Variants in RNF216 observed in about 807,000 individuals in gnomAD.
The protein encoded by RNF216 is ring finger protein 216, also known as E3 ubiquitin-protein ligase RNF216.
A neutral mutation model predicts 110.8 loss-of-function variants in RNF216; 72 were observed. The ratio of observed to expected loss-of-function variants is 0.65; its 90% CI spans 0.54 to 0.79. The LOEUF is 0.79. RNF216 is among the 30% of genes least tolerant of loss of function. The probability of loss-of-function intolerance (pLI) is 0.00; values close to 1 mark genes in which losing one functional copy is unlikely to be tolerated. For synonymous variants in RNF216, 495 were observed against 407.5 expected, an observed-to-expected ratio of 1.21 and a Z score of -2.59; for missense variants, 1,342 against 1,141.2, an observed-to-expected ratio of 1.18 and a Z score of -2.54.
chr7:5,622,707 T>C lies in RNF216; in HGVS notation c.*153A>G, dbSNP rs974789798. On this transcript the variant is annotated 3_prime_UTR_variant, in exon 17 of 17. Transcript: ENST00000389902. ...GATCCGTCCACTCTTCCAGGAGCAGTAGCCCTTCTAGGAAAGGGGTGGGAA... is the reference window on the plus strand; with the variant it reads ...GATCCGTCCACTCTTCCAGGAGCAGCAGCCCTTCTAGGAAAGGGGTGGGAA... 5.5e-6 allele frequency: 4 copies of C among 726,056 alleles called. No homozygotes were observed. Among genetic ancestry groups the C allele is most frequent in the African/African-American group, 3.5e-5 (2 of 56,950 alleles). The allele number at this position is 726,056 out of a possible 1,614,324, so 45.0% of individuals were successfully genotyped here.
chr7:5,688,473 T>C (rs1791122435), intron 13 of RNF216, among the ~76,000 whole-genome samples: 1 of 152,224 alleles, frequency 6.6e-6, no homozygotes. Context: ...ACATACTGAA[T>C]GTGCTAAGAA....
chr7:5,694,929 C>T (rs923202939), intron 13 of RNF216, among the ~76,000 whole-genome samples: 1 of 152,194 alleles, frequency 6.6e-6, no homozygotes. Context: ...AGACAATATA[C>T]TTTCCAAAGA....
In RNF216 at chr7:5,711,685, G is replaced by A. The variant is rs954949093; in HGVS notation, c.2061+76C>T. 3.5e-6 allele frequency: 4 copies of A among 1,132,498 alleles called. No individual in the cohort carries two copies. In the African/African-American group the frequency reaches 6.2e-5, roughly 18 times the overall value. The allele number at this position is 1,132,498 out of a possible 1,614,324, so 70.2% of individuals were successfully genotyped here. On this transcript the variant is annotated intron_variant, in intron 13 of 16. Coordinates refer to ENST00000389902, the MANE Select transcript of RNF216 (RefSeq NM_207111.4). ...TTATACATCAGCAGTCAGGTAAACA[G>A]CAGATATTTGGGCCATGAGGGCAGC...
chr7:5,781,345 C>G (rs2128690027), intron 1 of RNF216, among the ~76,000 whole-genome samples, 196 bp downstream of exon 1: 1 of 152,150 alleles, frequency 6.6e-6, no homozygotes, highest in Non-Finnish European at 1.5e-5. Context: ...CGCCACCGCA[C>G]CGGGCTCGAG....
chr7:5,658,934 G>A (rs941344902), intron 13 of RNF216, among the ~76,000 whole-genome samples: 3 of 152,072 alleles, frequency 2.0e-5, no homozygotes, highest in Non-Finnish European at 4.4e-5. Context: ...GCAATGTGTC[G>A]GAGTTATGTT....
At chr7:5,627,381 C>T (rs1039112093) in intron 15 of RNF216, among the ~76,000 whole-genome samples, 2 of 152,180 alleles carry the variant, frequency 1.3e-5, no homozygotes, top group Admixed American at 6.5e-5. Flanking sequence ...GAGGGCCTCA[C>T]GTCTCTGCTA....
intron 16 of RNF216, among the ~76,000 whole-genome samples, chr7:5,623,776 T>C (rs1309168010): frequency 6.6e-6 from 1 of 152,164 alleles, no homozygotes; most frequent in East Asian, 1.9e-4. Context: ...GGTCTACTTT[T>C]CTTTAGCCAG....
At chr7:5,673,407 GA>G (rs1267554601) in intron 13 of RNF216, among the ~76,000 whole-genome samples, 1 of 152,208 alleles carries the variant, frequency 6.6e-6, no homozygotes, top group Non-Finnish European at 1.5e-5. Flanking sequence ...GCAGGTGGGG[GA>G]CTGGCCTGGT....
intron 1 of RNF216, among the ~76,000 whole-genome samples, chr7:5,765,908 G>A (rs1161991902): frequency 6.9e-6 from 1 of 143,910 alleles, no homozygotes; most frequent in East Asian, 2.0e-4. Context: ...AGCCCAGATT[G>A]CACCACTGCA....
chr7:5,709,675 G>A (rs1254512791), intron 13 of RNF216, among the ~76,000 whole-genome samples: 1 of 152,144 alleles, frequency 6.6e-6, no homozygotes, highest in South Asian at 2.1e-4. Context: ...AAGAGCCCCT[G>A]GGAAGCTCCC....
chr7:5,641,355 G>T lies in RNF216; in HGVS notation c.2181C>A (p.Ala727=). The change falls in exon 15 of 17, where the codon GCC becomes GCA. Residue 727 remains alanine, a synonymous_variant. Coordinates refer to ENST00000389902, the MANE Select transcript of RNF216 (RefSeq NM_207111.4). ...RTSIEEKMTA[A]RIRKCHKCGT... ...CACACTTGTGGCATTTTCTAATGCG[G>T]GCAGCAGTCATTTTTTCTTCACTGA... 4 of 1,613,574 alleles carry T rather than the reference G, an allele frequency of 2.5e-6. No individual in the cohort carries two copies. The highest frequency in any genetic ancestry group is 3.4e-6 in the Non-Finnish European group (4 of 1,179,676).
intron 15 of RNF216, among the ~76,000 whole-genome samples, chr7:5,625,183 C>T (rs912925345): frequency 2.0e-5 from 3 of 152,334 alleles, no homozygotes; most frequent in East Asian, 1.9e-4. Flanking sequence ...CGCCAACTGC[C>T]GGCTCAGCAA....
intron 13 of RNF216, among the ~76,000 whole-genome samples, chr7:5,707,741 T>G (rs1014920140): frequency 1.1e-4 from 12 of 107,146 alleles, no homozygotes; most frequent in African/African-American, 4.4e-4. Flanking sequence ...TTTTTTTTTT[T>G]GTGACAGAGT....
intron 1 of RNF216, among the ~76,000 whole-genome samples, chr7:5,778,903 C>A (rs1480152984): frequency 1.3e-5 from 2 of 152,212 alleles, no homozygotes; most frequent in Non-Finnish European, 2.9e-5. Context: ...GCCATCACAC[C>A]TGGCTAATTT....
Position 5,729,614 on chromosome 7 carries a change from C to G in RNF216, c.1225-18G>C. 6.2e-7 allele frequency: 1 copy of G among 1,608,732 alleles called. No homozygotes were observed. Among genetic ancestry groups the G allele is most frequent in the South Asian group, 1.1e-5 (1 of 90,912 alleles). On this transcript the variant is annotated intron_variant, in intron 6 of 16. Coordinates refer to ENST00000389902, the MANE Select transcript of RNF216 (RefSeq NM_207111.4). ...TTAGGCAACTGAAATGAGAGAGAAGCATAAAATCAGAGGCCAGGCAGTACA... is the reference window on the plus strand; with the variant it reads ...TTAGGCAACTGAAATGAGAGAGAAGGATAAAATCAGAGGCCAGGCAGTACA...
At chr7:5,715,030 G>A (rs1258889991) in intron 11 of RNF216, 23 bp downstream of exon 11, 1 of 1,595,706 alleles carries the variant, frequency 6.3e-7, no homozygotes. Context: ...CTATATACAT[G>A]GGACATATTA....
chr7:5,707,013 G>A (rs1792334422), intron 13 of RNF216, among the ~76,000 whole-genome samples: 1 of 152,232 alleles, frequency 6.6e-6, no homozygotes, highest in Non-Finnish European at 1.5e-5. Flanking sequence ...AGTTTACAGA[G>A]CACCATTAAT....
chr7:5,630,201 AG>A (rs1786985140), intron 15 of RNF216, among the ~76,000 whole-genome samples: 1 of 152,280 alleles, frequency 6.6e-6, no homozygotes, highest in East Asian at 1.9e-4. Context: ...CCTGGATGGC[AG>A]GGTGAACTCA....
intron 8 of RNF216, among the ~76,000 whole-genome samples, chr7:5,721,767 T>C (rs551309963): frequency 4.3e-4 from 66 of 152,248 alleles, no homozygotes; most frequent in Non-Finnish European, 7.8e-4. Context: ...CAACCATTTT[T>C]ATTTTCAAAG....
Sources: gnomAD v4.1 joint callset for allele counts (sites outside exome capture counted in the v4.1 genomes callset) on GRCh38, gnomAD v4.1.1 for gene constraint, MANE v1.5 for transcripts, NCBI Gene and HGNC (gene_info 2026-07-23, HGNC 2026-07-21) for gene names.